ZFP91: variants seen among roughly 807,000 people sequenced by gnomAD.
ZFP91 encodes the protein ZFP91 zinc finger protein, atypical E3 ubiquitin ligase, also known as E3 ubiquitin-protein ligase ZFP91.
Under a neutral mutation model 63.5 loss-of-function variants are expected in ZFP91, and 7 were observed. The observed-to-expected ratio is 0.11, with a 90% confidence interval of 0.06 to 0.21. The LOEUF (loss-of-function observed/expected upper bound fraction) is 0.21. Among genes scored for constraint, ZFP91 ranks in the 10% least tolerant of loss-of-function variants. The pLI is 1.00. For missense variants in ZFP91, 628 were observed against 736.6 expected (o/e 0.85, Z 1.71); for synonymous variants, 330 against 272.1 (o/e 1.21, Z -2.10).
intron 1 of ZFP91, among the ~76,000 whole-genome samples, chr11:58,580,686 T>A (rs1027527139): frequency 2.0e-5 from 3 of 152,254 alleles, no homozygotes; most frequent in African/African-American, 7.2e-5. Flanking sequence ...GTTAAGCCTG[T>A]GTCTTGGCAT....
chr11:58,606,826 TTA>T (rs1190604330), intron 2 of ZFP91, among the ~76,000 whole-genome samples: 1 of 152,216 alleles, frequency 6.6e-6, no homozygotes, highest in Non-Finnish European at 1.5e-5. Context: ...CACTTGGCTT[TTA>T]TAACCTTTAA....
At chr11:58,609,550 GTTAC>G (rs1258225698) in intron 2 of ZFP91, among the ~76,000 whole-genome samples, 1 of 152,146 alleles carries the variant, frequency 6.6e-6, no homozygotes, top group East Asian at 1.9e-4. Context: ...CATGAATCCA[GTTAC>G]TTAAGTGTAT....
At chr11:58,579,701 TC>T (rs1384384782) in intron 1 of ZFP91, 79 bp downstream of exon 1, 7 of 1,315,234 alleles carry the variant, frequency 5.3e-6, no homozygotes, top group Non-Finnish European at 6.0e-6. Context: ...TAGCGCCTAC[TC>T]CACGTGACAT....
At chr11:58,615,084 C>G (rs182570637) in intron 9 of ZFP91, among the ~76,000 whole-genome samples, 26 of 152,278 alleles carry the variant, frequency 1.7e-4, no homozygotes, top group African/African-American at 6.0e-4. Flanking sequence ...CCTTCATTTA[C>G]TGTAGGAAAG....
In ZFP91 at chr11:58,579,192, G is replaced by C. The variant is rs564987990; in HGVS notation, c.-90G>C. The C allele has an allele frequency of 1.4e-3, 1,571 of 1,136,096 alleles. 18 individuals carry two copies. The African/African-American group carries it at 0.023, about 17-fold the overall frequency. 70.4% of individuals were successfully genotyped at this position (1,136,096 alleles called of 1,614,324 possible). ...AGGGTGAGAGTGAGCCGCAGGCTTC[G>C]GGAGGCGAGGGGGCGGGGGGAGCAG... On this transcript the variant is annotated 5_prime_UTR_variant, in exon 1 of 11. Coordinates refer to ENST00000316059, the MANE Select transcript of ZFP91 (RefSeq NM_053023.5).
intron 2 of ZFP91, among the ~76,000 whole-genome samples, chr11:58,606,736 G>A (rs1011305135): frequency 6.6e-6 from 1 of 151,732 alleles, no homozygotes; most frequent in African/African-American, 2.4e-5. Flanking sequence ...TAAAGGTTCT[G>A]GTCCTTTCGC....
intron 6 of ZFP91, chr11:58,611,991 A>G (rs1855672744): frequency 5.7e-6 from 3 of 526,500 alleles, no homozygotes; most frequent in Non-Finnish European, 9.9e-6. Context: ...GATACATGGT[A>G]GCAACTCTAA....
In ZFP91 at chr11:58,617,602, G is replaced by A; in HGVS notation, c.1609G>A (p.Gly537Arg). The change falls in exon 11 of 11, where the codon GGA (glycine) becomes AGA (arginine). Residue 537 changes from glycine (G) to arginine (R), a missense_variant. Gly to Arg is a moderately radical substitution (Grantham distance 125, BLOSUM62 -2). Transcript: ENST00000316059. The surrounding 1 kb of genome is among the most constrained non-coding windows in gnomAD (Gnocchi z 4.2). ...SLMADGKIFVGSGSSGGTEGL... is the reference protein window; with the variant it reads ...SLMADGKIFVRSGSSGGTEGL... Reference sequence around the variant, plus strand: ...GATGGCTGATGGGAAGATCTTTGTGGGAAGCGGCAGCAGTGGAGGCACTGA... The same window carrying A: ...GATGGCTGATGGGAAGATCTTTGTGAGAAGCGGCAGCAGTGGAGGCACTGA... 2 of 1,606,400 alleles carry A rather than the reference G, an allele frequency of 1.2e-6. No homozygotes were observed. Among genetic ancestry groups the A allele is most frequent in the Non-Finnish European group, 1.7e-6 (2 of 1,176,194 alleles).
chr11:58,611,703 G>A lies in ZFP91; in HGVS notation c.822G>A (p.Glu274=). 1 of 1,611,826 alleles carries A rather than the reference G, an allele frequency of 6.2e-7. No individual in the cohort carries two copies. The highest frequency in any genetic ancestry group is 1.3e-5 in the African/African-American group (1 of 74,882). ...TAGAGGTGGAGGTGAAAGAAGAGGA[G>A]AATGAAATTAGAGAGGATGAGGAAC... is the stretch of plus-strand genomic sequence containing the variant. ...VEVEVEVKEE[E]NEIREDEEPP... The change falls in exon 6 of 11, where the codon GAG becomes GAA. Residue 274 remains glutamate, a synonymous_variant. Coordinates refer to ENST00000316059, the MANE Select transcript of ZFP91 (RefSeq NM_053023.5).
At chr11:58,605,692 C>T (rs1279573201) in intron 2 of ZFP91, among the ~76,000 whole-genome samples, 1 of 150,916 alleles carries the variant, frequency 6.6e-6, no homozygotes, top group East Asian at 1.9e-4. Flanking sequence ...TTTTATGGTT[C>T]TTTGTATTTG....
chr11:58,617,633 T>C lies in ZFP91; in HGVS notation c.1640T>C (p.Leu547Pro). ...GSGSSGGTEGLVMNSDILGAT... is the reference protein window; with the variant it reads ...GSGSSGGTEGPVMNSDILGAT... Reference sequence around the variant, plus strand: ...GGCAGCAGTGGAGGCACTGAAGGGCTGGTTATGAACTCAGATATACTCGGT... The same window carrying C: ...GGCAGCAGTGGAGGCACTGAAGGGCCGGTTATGAACTCAGATATACTCGGT... The change falls in exon 11 of 11, where the codon CTG becomes CCG. Residue 547 changes from leucine to proline, a missense_variant. Physicochemically the swap from Leu to Pro is moderately conservative, Grantham distance 98. This residue lies in a region of ZFP91 where 115 missense variants were observed against 125.4 expected (regional missense o/e 0.92). Transcript: ENST00000316059. The surrounding 1 kb of genome is among the most constrained non-coding windows in gnomAD (Gnocchi z 4.2). The C allele has an allele frequency of 6.3e-7, 1 of 1,584,218 alleles. No homozygotes were observed. Among genetic ancestry groups the C allele is most frequent in the Non-Finnish European group, 8.6e-7 (1 of 1,166,042 alleles).
intron 2 of ZFP91, among the ~76,000 whole-genome samples, chr11:58,600,878 G>A (rs1855481143): frequency 6.6e-6 from 1 of 151,946 alleles, no homozygotes; most frequent in African/African-American, 2.4e-5. Flanking sequence ...AATTTTGTCA[G>A]GTTCTTTTTC....
Position 58,579,267 on chromosome 11 carries a change from G to T in ZFP91, c.-15G>T, listed in dbSNP as rs765148848. 3.5e-6 allele frequency: 5 copies of T among 1,420,600 alleles called. No homozygotes were observed. In the South Asian group the frequency reaches 7.4e-5, roughly 21 times the overall value. The allele number at this position is 1,420,600 out of a possible 1,614,324, so 88.0% of individuals were successfully genotyped here. ...CGCCGCCTAGGACTAGGGGGTGGGGGACGGACAAGCCCCGATGCCGGGGGA... is the reference window on the plus strand; with the variant it reads ...CGCCGCCTAGGACTAGGGGGTGGGGTACGGACAAGCCCCGATGCCGGGGGA... On this transcript the variant is annotated 5_prime_UTR_variant, in exon 1 of 11. Coordinates refer to ENST00000316059, the MANE Select transcript of ZFP91 (RefSeq NM_053023.5).
At chr11:58,592,686 G>T (rs1437094936) in intron 2 of ZFP91, among the ~76,000 whole-genome samples, 1 of 152,196 alleles carries the variant, frequency 6.6e-6, no homozygotes, top group Non-Finnish European at 1.5e-5. Context: ...GAAAAGGGGA[G>T]ATGGAGATGA....
At chr11:58,600,303 A>G (rs748917186) in intron 2 of ZFP91, among the ~76,000 whole-genome samples, 1 of 151,988 alleles carries the variant, frequency 6.6e-6, no homozygotes, top group Non-Finnish European at 1.5e-5. Flanking sequence ...ACAATTTTTC[A>G]ATATTTTATT....
intron 4 of ZFP91, 56 bp downstream of exon 4, chr11:58,610,390 A>G (rs142647595): frequency 2.0e-6 from 3 of 1,470,282 alleles, no homozygotes; most frequent in African/African-American, 1.4e-5. Flanking sequence ...GCATAGTCAC[A>G]GTAAATGATT....
chr11:58,579,321 C>A lies in ZFP91; in HGVS notation c.40C>A (p.Gln14Lys). Residue 14 changes from glutamine to lysine, a missense_variant, in exon 1 of 11, where the codon CAG becomes AAG. Physicochemically the swap from Gln to Lys is moderately conservative, Grantham distance 53. Around this residue, in one of 3 missense-constraint regions of ZFP91, gnomAD observed 437 missense variants for 380.3 expected, o/e 1.15. Transcript: ENST00000316059. ...GGAAGAGCCGAGACCCCCGGAGCAG[C>A]AGGACCAGGAAGGGGGAGAGGCGGC... ...ETEEPRPPEQ[Q>K]DQEGGEAAKA... The A allele has an allele frequency of 2.0e-6, 3 of 1,493,350 alleles. No individual in the cohort carries two copies. Among genetic ancestry groups the A allele is most frequent in the East Asian group, 2.9e-5 (1 of 34,554 alleles). 92.5% of individuals were successfully genotyped at this position (1,493,350 alleles called of 1,614,324 possible).
Position 58,610,883 on chromosome 11 carries a change from C to T in ZFP91, c.618-67C>T, listed in dbSNP as rs28362517. On this transcript the variant is annotated intron_variant, in intron 4 of 10. Transcript: ENST00000316059. The stretch of plus-strand genomic sequence containing the variant: ...GTTTGGCTACCTCTTAAAAAATTAC[C>T]AAATAAAATCCCCTCAGACATGTTC... 2.5e-5 allele frequency: 36 copies of T among 1,446,330 alleles called. No homozygotes were observed. The East Asian group carries it at 8.5e-4, about 34-fold the overall frequency. 89.6% of individuals were successfully genotyped at this position (1,446,330 alleles called of 1,614,324 possible). A position where few individuals can be genotyped will look rare whatever the true frequency, so the allele number is the denominator to read the frequency against.
rs1217396789 is a variant in ZFP91 at position 58,620,737 on chromosome 11, C to T, written c.*3031C>T. ...ATTATAGTCTGGTTGTTTGAAATACCATTTTTTTCTCCTTTTGTGTTTTTC... is the reference window on the plus strand; with the variant it reads ...ATTATAGTCTGGTTGTTTGAAATACTATTTTTTTCTCCTTTTGTGTTTTTC... On this transcript the variant is annotated 3_prime_UTR_variant, in exon 11 of 11. Transcript: ENST00000316059. 2 of 152,552 alleles carry T rather than the reference C, an allele frequency of 1.3e-5. No individual in the cohort carries two copies. The highest frequency in any genetic ancestry group is 2.9e-5 in the Non-Finnish European group (2 of 68,032). The allele number at this position is 152,552 out of a possible 1,614,324, so 9.4% of individuals were successfully genotyped here.
Sources: gnomAD v4.1 joint callset for allele counts (sites outside exome capture counted in the v4.1 genomes callset) on GRCh38, gnomAD v4.1.1 for gene constraint, gnomAD v4.1.1 regional missense constraint, Gnocchi (gnomAD v3.1) non-coding constraint, MANE v1.5 for transcripts, NCBI Gene and HGNC (gene_info 2026-07-23, HGNC 2026-07-21) for gene names.